NCAPD3: variants seen among roughly 807,000 people sequenced by gnomAD.
NCAPD3 encodes the protein non-SMC condensin II complex subunit D3, also known as condensin-2 complex subunit D3.
Under a neutral mutation model 182.9 loss-of-function variants are expected in NCAPD3, and 105 were observed. The observed-to-expected ratio is 0.57, with a 90% CI of 0.49 to 0.68. The LOEUF (loss-of-function observed/expected upper bound fraction) is 0.68. Among genes scored for constraint, NCAPD3 ranks in the 30% least tolerant of loss-of-function variants. The pLI, the probability that NCAPD3 is intolerant of heterozygous loss-of-function variation, is 0.00. For missense variants in NCAPD3, 1,944 were observed against 1,837.0 expected (o/e 1.06, Z -1.07); for synonymous variants, 815 against 679.9 (o/e 1.20, Z -3.09).
intron 27 of NCAPD3, among the ~76,000 whole-genome samples, chr11:134,163,716 A>T (rs1016955973): frequency 6.7e-6 from 1 of 149,910 alleles, no homozygotes; most frequent in African/African-American, 2.5e-5. Flanking sequence ...AAAAAAAAAA[A>T]AAAAAGTTAG....
At chr11:134,181,021 G>C in intron 20 of NCAPD3, 56 bp downstream of exon 20, 2 of 1,306,882 alleles carry the variant, frequency 1.5e-6, no homozygotes, top group Non-Finnish European at 2.2e-6. Flanking sequence ...ATCTTTAATA[G>C]AACCTCACGG....
At chr11:134,163,137 C>T (rs957189249) in intron 27 of NCAPD3, among the ~76,000 whole-genome samples, 1 of 152,072 alleles carries the variant, frequency 6.6e-6, no homozygotes, top group African/African-American at 2.4e-5. Context: ...TTCTTGTTTA[C>T]CTTGAAAAAG....
chr11:134,165,972 C>G (rs866642705), intron 27 of NCAPD3, among the ~76,000 whole-genome samples: 1 of 115,924 alleles, frequency 8.6e-6, no homozygotes, highest in African/African-American at 3.4e-5. Flanking sequence ...GAGGGGCACA[C>G]TCAGTGAGAT....
At position 134,204,003 on chromosome 11, in the gene NCAPD3, A is replaced by G. The variant is rs367603646; in HGVS notation, c.1215+43T>C. On this transcript the variant is annotated intron_variant, in intron 10 of 34. Coordinates refer to ENST00000534548, the MANE Select transcript of NCAPD3 (RefSeq NM_015261.3). The surrounding 1 kb of genome is among the most constrained non-coding windows in gnomAD (Gnocchi z 4.3). ...TAGAAAAAGAGACCCTTTTAAAAAGAGTTTAAAAAGGACCCAAGGTTTTAT... is the reference window on the plus strand; with the variant it reads ...TAGAAAAAGAGACCCTTTTAAAAAGGGTTTAAAAAGGACCCAAGGTTTTAT... The G allele has an allele frequency of 6.2e-5, 93 of 1,510,530 alleles. No individual in the cohort carries two copies. The African/African-American group carries it at 1.1e-3, about 18-fold the overall frequency. The allele number at this position is 1,510,530 out of a possible 1,614,324, so 93.6% of individuals were successfully genotyped here. A position where few individuals can be genotyped will look rare whatever the true frequency, so the allele number is the denominator to read the frequency against.
In NCAPD3 at chr11:134,157,172, A is replaced by G. The variant is rs115576379; in HGVS notation, c.4175-77T>C. The G allele has an allele frequency of 1.0e-3, 1,198 of 1,166,792 alleles. 2 individuals carry two copies. The African/African-American group carries it at 0.014, about 14-fold the overall frequency. The allele number at this position is 1,166,792 out of a possible 1,614,324, so 72.3% of individuals were successfully genotyped here. A position where few individuals can be genotyped will look rare whatever the true frequency, so the allele number is the denominator to read the frequency against. ...GAGCAAAACAACCACATGAGAAAAC[A>G]TATCTGCAAGACGTAAAGTCAAAAT... On this transcript the variant is annotated intron_variant, in intron 31 of 34. Coordinates refer to ENST00000534548, the MANE Select transcript of NCAPD3 (RefSeq NM_015261.3).
At chr11:134,167,358 T>C (rs1591829186) in intron 27 of NCAPD3, among the ~76,000 whole-genome samples, 1 of 46,104 alleles carries the variant, frequency 2.2e-5, no homozygotes, top group Admixed American at 3.1e-4. Context: ...GAGATGAGCT[T>C]GGGGGAGGCG....
chr11:134,168,285 T>A (rs1470509983), intron 26 of NCAPD3, 90 bp from the exon 27 acceptor site: 1 of 1,453,256 alleles, frequency 6.9e-7, no homozygotes, highest in Non-Finnish European at 9.6e-7. Flanking sequence ...GGGGGCCATC[T>A]GAGGCTGTCA....
At chr11:134,176,488 C>T in intron 23 of NCAPD3, 102 bp from the exon 24 acceptor site, 1 of 911,028 alleles carries the variant, frequency 1.1e-6, no homozygotes, top group Non-Finnish European at 1.8e-6. Context: ...CCCCGGCACA[C>T]TGGCTGAGTG....
In NCAPD3 at chr11:134,151,983, T is replaced by C. The variant is rs1174986627; in HGVS notation, c.*961A>G. On this transcript the variant is annotated 3_prime_UTR_variant, in exon 35 of 35. Coordinates refer to ENST00000534548, the MANE Select transcript of NCAPD3 (RefSeq NM_015261.3). ...TGGGATGGCAGTGGGCAGATCTCAG[T>C]GGCATCCCATCCCCCAAACCAACCA... 1 of 152,198 alleles carries C rather than the reference T, an allele frequency of 6.6e-6. No individual in the cohort carries two copies. Among genetic ancestry groups the C allele is most frequent in the Non-Finnish European group, 1.5e-5 (1 of 68,044 alleles). The allele number at this position is 152,198 out of a possible 1,614,324, so 9.4% of individuals were successfully genotyped here.
At chr11:134,202,595 G>A (rs188244933) in intron 13 of NCAPD3, among the ~76,000 whole-genome samples, 33 of 151,622 alleles carry the variant, frequency 2.2e-4, no homozygotes, top group African/African-American at 7.0e-4. Flanking sequence ...TGCCCAGGCT[G>A]GTCTTGAACT....
chr11:134,177,772 G>C (rs372211333), intron 22 of NCAPD3: 2 of 342,172 alleles, frequency 5.8e-6, no homozygotes, highest in Non-Finnish European at 1.1e-5. Context: ...GATCAGCAAA[G>C]CCTGAGAGGT....
intron 3 of NCAPD3, among the ~76,000 whole-genome samples, chr11:134,210,688 A>G (rs969164548): frequency 6.6e-6 from 1 of 152,234 alleles, no homozygotes; most frequent in Non-Finnish European, 1.5e-5. Flanking sequence ...CTGGCTTTAC[A>G]CTTGTTAACG....
rs1943484450 is a variant in NCAPD3, at chr11:134,158,310, G to A, written c.4034+19C>T. The A allele has an allele frequency of 6.2e-7, 1 of 1,613,422 alleles. No individual in the cohort carries two copies. The highest frequency in any genetic ancestry group is 8.5e-7 in the Non-Finnish European group (1 of 1,179,712). ...GCCACAGAGAACCAGCCCTGATGTG[G>A]CCTCCAGGGGCTCTTTACCTGGCTT... is the stretch of plus-strand genomic sequence containing the variant. On this transcript the variant is annotated intron_variant, in intron 30 of 34. Transcript: ENST00000534548.
chr11:134,159,855 G>A (rs765443763), intron 29 of NCAPD3, 37 bp downstream of exon 29: 3 of 1,582,934 alleles, frequency 1.9e-6, no homozygotes, highest in South Asian at 2.3e-5. Context: ...CAGCAGACTG[G>A]ACTGTCTGGT....
intron 3 of NCAPD3, among the ~76,000 whole-genome samples, chr11:134,212,173 C>T (rs1221766628): frequency 1.3e-5 from 2 of 152,094 alleles, no homozygotes; most frequent in Non-Finnish European, 2.9e-5. Flanking sequence ...TGCAGACCTG[C>T]ACTAAATGTT....
At chr11:134,197,192 G>A (rs1275233418) in intron 13 of NCAPD3, among the ~76,000 whole-genome samples, 2 of 151,610 alleles carry the variant, frequency 1.3e-5, no homozygotes, top group Non-Finnish European at 2.9e-5. Context: ...AGAAACAGAT[G>A]CCAGTGCTAT....
Position 134,185,351 on chromosome 11 carries a change from A to T in NCAPD3, c.2221T>A (p.Trp741Arg). Reference protein sequence around the residue: ...RLDYSRIIQSWEKISSQQNPN... With the variant: ...RLDYSRIIQSREKISSQQNPN... Reference sequence around the variant, plus strand: ...GATACAAACCTGCTGATTTTCTCCCAAGATTGTATTATTCTGCTGTAGTCC... The same window carrying T: ...GATACAAACCTGCTGATTTTCTCCCTAGATTGTATTATTCTGCTGTAGTCC... The change falls in exon 17 of 35, where the codon TGG becomes AGG. Residue 741 changes from tryptophan (W) to arginine (R), a missense_variant. Coordinates refer to ENST00000534548, the MANE Select transcript of NCAPD3 (RefSeq NM_015261.3). 6.2e-7 allele frequency: 1 copy of T among 1,605,966 alleles called. No individual in the cohort carries two copies. Among genetic ancestry groups the T allele is most frequent in the Non-Finnish European group, 8.5e-7 (1 of 1,177,388 alleles).
intron 3 of NCAPD3, among the ~76,000 whole-genome samples, chr11:134,213,948 AATAG>A (rs574669451): frequency 9.9e-5 from 15 of 152,212 alleles, no homozygotes; most frequent in Non-Finnish European, 1.8e-4. Flanking sequence ...TGAGAGGAGA[AATAG>A]ATAAACTGAT....
Position 134,209,145 on chromosome 11 carries a change from C to T in NCAPD3, c.794G>A (p.Arg265Lys). 1 of 1,612,672 alleles carries T rather than the reference C, an allele frequency of 6.2e-7. No homozygotes were observed. The highest frequency in any genetic ancestry group is 8.5e-7 in the Non-Finnish European group (1 of 1,179,290). The change falls in exon 6 of 35, where the codon AGA (arginine) becomes AAA (lysine). Residue 265 changes from arginine to lysine, a missense_variant and splice_region_variant. This residue lies in a region of NCAPD3 where 1,803 missense variants were observed against 1,674.6 expected (regional missense o/e 1.08). Coordinates refer to ENST00000534548, the MANE Select transcript of NCAPD3 (RefSeq NM_015261.3). ...AGCACTGGAAGATTTAATGGCTCACCTGGCTTGTGTAACATGACATTCATG... is the reference window on the plus strand; with the variant it reads ...AGCACTGGAAGATTTAATGGCTCACTTGGCTTGTGTAACATGACATTCATG... Reference protein sequence around the residue: ...VLHECHVTQARALNQAKYIPE... With the variant: ...VLHECHVTQAKALNQAKYIPE...
Sources: allele counts gnomAD v4.1 joint callset (sites outside exome capture counted in the v4.1 genomes callset), GRCh38; gene constraint gnomAD v4.1.1; regional missense constraint gnomAD v4.1.1; non-coding constraint Gnocchi (gnomAD v3.1); transcripts MANE v1.5; gene names NCBI Gene and HGNC (gene_info 2026-07-23, HGNC 2026-07-21).